Variants in TMEM178B observed in about 807,000 individuals in gnomAD.
TMEM178B encodes transmembrane protein 178B.
TMEM178B carries 5 observed loss-of-function variants against 31.0 expected under a neutral mutation model. The ratio of observed to expected loss-of-function variants is 0.16; its 90% CI spans 0.08 to 0.34. TMEM178B has a LOEUF of 0.34. TMEM178B is among the 10% of genes least tolerant of loss of function. The pLI, the probability that TMEM178B is intolerant of heterozygous loss-of-function variation, is 1.00. For missense variants in TMEM178B, 275 were observed against 400.3 expected (o/e 0.69, Z 2.67); for synonymous variants, 164 against 164.0 (o/e 1.00, Z 0.00).
In TMEM178B at chr7:141,248,357, G is replaced by A. The variant is rs1230586394; in HGVS notation, c.496+35653G>A. 5.3e-5 allele frequency among the ~76,000 whole-genome samples: 8 copies of A among 152,204 alleles called. No individual in the cohort carries two copies. In the East Asian group the frequency reaches 1.5e-3, roughly 29 times the overall value. On this transcript the variant is annotated intron_variant, in intron 2 of 3. Coordinates refer to ENST00000565468, the MANE Select transcript of TMEM178B (RefSeq NM_001195278.2). Reference sequence around the variant, plus strand: ...ACCTGGGAGGCGGAGGTTGTAGTGAGCCGAGATTGCGCCACTGCACTCCAG... The same window carrying A: ...ACCTGGGAGGCGGAGGTTGTAGTGAACCGAGATTGCGCCACTGCACTCCAG...
chr7:141,090,773 C>T (rs1794868590), intron 1 of TMEM178B, among the ~76,000 whole-genome samples: 2 of 152,304 alleles, frequency 1.3e-5, no homozygotes, highest in South Asian at 4.1e-4. Flanking sequence ...CCAGCCAACA[C>T]ATCTTTTCTT....
intron 2 of TMEM178B, among the ~76,000 whole-genome samples, chr7:141,412,639 G>C (rs923139749): frequency 6.6e-6 from 1 of 152,264 alleles, no homozygotes; most frequent in Non-Finnish European, 1.5e-5. Flanking sequence ...GATAGATTCA[G>C]ATGAGGGAAG....
intron 2 of TMEM178B, among the ~76,000 whole-genome samples, chr7:141,361,910 C>T (rs912433278): frequency 1.2e-4 from 18 of 152,180 alleles, no homozygotes; most frequent in African/African-American, 4.3e-4. Context: ...AATTTGCAAA[C>T]CCTACTATAA....
chr7:141,108,897 C>T (rs1795188884), intron 1 of TMEM178B, among the ~76,000 whole-genome samples: 1 of 152,130 alleles, frequency 6.6e-6, no homozygotes, highest in African/African-American at 2.4e-5. Context: ...GTTTAATGGA[C>T]TTAAAGTTCC....
At chr7:141,350,153 C>T (rs1191543604) in intron 2 of TMEM178B, among the ~76,000 whole-genome samples, 1 of 151,972 alleles carries the variant, frequency 6.6e-6, no homozygotes, top group African/African-American at 2.4e-5. Flanking sequence ...CACAATGAAC[C>T]GAAAAAACAC....
rs542949416 is a variant in TMEM178B at position 141,383,344 on chromosome 7, G to A, written c.497-54264G>A. On this transcript the variant is annotated intron_variant, in intron 2 of 3. Coordinates refer to ENST00000565468, the MANE Select transcript of TMEM178B (RefSeq NM_001195278.2). ...TTAACTCGTCATTTACATTAGGTGT[G>A]TCTCCTAATGCTATCCCTCCCCCCT... Among the ~76,000 whole-genome samples the A allele has an allele frequency of 4.3e-3, 656 of 150,860 alleles. 3 individuals carry two copies. Among genetic ancestry groups the A allele is most frequent in the South Asian group, 0.02 (95 of 4,648 alleles).
chr7:141,097,554 T>C (rs769600243), intron 1 of TMEM178B, among the ~76,000 whole-genome samples: 15 of 152,014 alleles, frequency 9.9e-5, no homozygotes, highest in Non-Finnish European at 2.1e-4. Context: ...CTGGTTACTA[T>C]TCAAAAATTG....
intron 1 of TMEM178B, among the ~76,000 whole-genome samples, chr7:141,091,973 C>A (rs940618770): frequency 6.6e-6 from 1 of 152,150 alleles, no homozygotes; most frequent in East Asian, 1.9e-4. Context: ...AGTGATCCAC[C>A]CACCTCAGCC....
Position 141,429,335 on chromosome 7 carries a change from ACAC to A in TMEM178B, c.497-8272_497-8270del, listed in dbSNP as rs1801380334. Among the ~76,000 whole-genome samples the A allele has an allele frequency of 6.3e-5, 9 of 141,878 alleles. No individual in the cohort carries two copies. In the South Asian group the frequency reaches 6.6e-4, roughly 10 times the overall value. 93.1% of individuals were successfully genotyped at this position (141,878 alleles called of 152,430 possible). The stretch of plus-strand genomic sequence containing the variant: ...CACACACACACACACACACACACAC[ACAC>A]ACTCATACAATAGAATATTATTCAG... On this transcript the variant is annotated intron_variant, in intron 2 of 3. Coordinates refer to ENST00000565468, the MANE Select transcript of TMEM178B (RefSeq NM_001195278.2).
intron 3 of TMEM178B, among the ~76,000 whole-genome samples, chr7:141,466,514 C>T (rs888196378): frequency 6.6e-6 from 1 of 152,220 alleles, no homozygotes; most frequent in Non-Finnish European, 1.5e-5. Context: ...ACCACAGTTT[C>T]CTTGAGGTTG....
At chr7:141,254,527 G>A (rs1030547060) in intron 2 of TMEM178B, among the ~76,000 whole-genome samples, 5 of 152,022 alleles carry the variant, frequency 3.3e-5, no homozygotes, top group African/African-American at 1.2e-4. Context: ...AGACCAGCCC[G>A]GCTAACATGG....
At chr7:141,398,416 G>A (rs1800695507) in intron 2 of TMEM178B, among the ~76,000 whole-genome samples, 1 of 152,076 alleles carries the variant, frequency 6.6e-6, no homozygotes, top group Non-Finnish European at 1.5e-5. Flanking sequence ...TGGAGTCTGG[G>A]GAATACCCAG....
chr7:141,491,106 C>A, the TMEM178B span, among the ~76,000 whole-genome samples: 2 of 152,172 alleles, frequency 1.3e-5, no homozygotes, highest in Admixed American at 6.5e-5. Flanking sequence ...TGGCTCACTG[C>A]GGCCTTGACC....
At chr7:141,445,481 G>C (rs1801736344) in intron 3 of TMEM178B, among the ~76,000 whole-genome samples, 1 of 152,172 alleles carries the variant, frequency 6.6e-6, no homozygotes, top group Non-Finnish European at 1.5e-5. Context: ...AAACATGCTA[G>C]GATGATGTTT....
chr7:141,410,754 G>A lies in TMEM178B; in HGVS notation c.497-26854G>A, dbSNP rs1272877492. Among the ~76,000 whole-genome samples the A allele has an allele frequency of 2.0e-5, 3 of 152,172 alleles. 1 individual carries two copies. The highest frequency in any genetic ancestry group is 4.4e-5 in the Non-Finnish European group (3 of 68,042). On this transcript the variant is annotated intron_variant, in intron 2 of 3. Transcript: ENST00000565468. ...CTCTGAAAGAACTTTGAAAGGTTGA[G>A]AGGACTGTGTATATCATGCAATCTC...
intron 2 of TMEM178B, among the ~76,000 whole-genome samples, chr7:141,393,368 T>C (rs1800579657): frequency 6.6e-6 from 1 of 152,094 alleles, no homozygotes; most frequent in South Asian, 2.1e-4. Context: ...AGAAAACTAA[T>C]AGAAGCAAAA....
At chr7:141,401,968 C>T (rs1407407440) in intron 2 of TMEM178B, among the ~76,000 whole-genome samples, 1 of 152,210 alleles carries the variant, frequency 6.6e-6, no homozygotes, top group Non-Finnish European at 1.5e-5. Context: ...TTTGCTGCAT[C>T]TCCAAATCCT....
At chr7:141,220,453 A>G (rs1013288803) in intron 2 of TMEM178B, among the ~76,000 whole-genome samples, 1 of 151,958 alleles carries the variant, frequency 6.6e-6, no homozygotes, top group Non-Finnish European at 1.5e-5. Context: ...GCGCTGTAGC[A>G]TGGCTGCCTA....
At chr7:141,283,345 G>A (rs748017735) in intron 2 of TMEM178B, among the ~76,000 whole-genome samples, 2 of 152,178 alleles carry the variant, frequency 1.3e-5, no homozygotes, top group Non-Finnish European at 2.9e-5. Flanking sequence ...TGACCAGTGG[G>A]AATGAAGATA....
Sources: allele counts gnomAD v4.1 joint callset (sites outside exome capture counted in the v4.1 genomes callset), GRCh38; gene constraint gnomAD v4.1.1; transcripts MANE v1.5; gene names NCBI Gene and HGNC (gene_info 2026-07-23, HGNC 2026-07-21).